The following RNF32 variants were observed in gnomAD, a reference collection of about 807,000 sequenced individuals.
The protein encoded by RNF32 is ring finger protein 32.
A neutral mutation model predicts 41.0 loss-of-function variants in RNF32; 36 were observed. The ratio of observed to expected loss-of-function variants is 0.88; its 90% CI spans 0.67 to 1.16. The LOEUF (loss-of-function observed/expected upper bound fraction) is 1.16. Among genes scored for constraint, RNF32 ranks in the 50% most tolerant of loss-of-function variants. The pLI is 0.00. For missense variants in RNF32, 413 were observed against 436.7 expected (o/e 0.95, Z 0.48); for synonymous variants, 154 against 160.9 (o/e 0.96, Z 0.32).
At chr7:156,659,668 T>C in intron 7 of RNF32, 1 of 924,332 alleles carries the variant, frequency 1.1e-6, no homozygotes, top group Non-Finnish European at 1.3e-6. Flanking sequence ...TAAGAACTCT[T>C]GAAGATAAAG....
In RNF32 at chr7:156,670,082, T is replaced by C. The variant is rs1250040375; in HGVS notation, c.685-5614T>C. On this transcript the variant is annotated intron_variant, in intron 7 of 8. Transcript: ENST00000317955. This position sits in a 1 kb window ranked among gnomAD's most constrained non-coding sequence, Gnocchi z 4.3. ...ATGTTATTCTAAGAAAAAATTAAATTATAAATTTTATGACTTTCACAGTGC... is the reference window on the plus strand; with the variant it reads ...ATGTTATTCTAAGAAAAAATTAAATCATAAATTTTATGACTTTCACAGTGC... Among the ~76,000 whole-genome samples, 1 of 152,254 alleles carries C rather than the reference T, an allele frequency of 6.6e-6. No homozygotes were observed. Among genetic ancestry groups the C allele is most frequent in the Non-Finnish European group, 1.5e-5 (1 of 68,048 alleles).
chr7:156,659,477 T>C (rs1800270195), intron 7 of RNF32: 1 of 985,314 alleles, frequency 1.0e-6, no homozygotes, highest in African/African-American at 1.7e-5. Flanking sequence ...TTTTTTATCT[T>C]CAGTCGTTGA....
intron 3 of RNF32, among the ~76,000 whole-genome samples, chr7:156,649,245 T>C (rs1798383590): frequency 6.6e-6 from 1 of 152,198 alleles, no homozygotes. Flanking sequence ...GGGGAAATAC[T>C]GTATTTACAG....
In RNF32 at chr7:156,644,538, G is replaced by C. The variant is rs779741124; in HGVS notation, c.55G>C (p.Val19Leu). ...GAAAGATAACTTGGCAGTCAATGCAGTTGCTTTACAAGATCACATTTTACA... is the reference window on the plus strand; with the variant it reads ...GAAAGATAACTTGGCAGTCAATGCACTTGCTTTACAAGATCACATTTTACA... The part of the protein sequence containing the change: ...SKKDNLAVNA[V>L]ALQDHILHDL... The change falls in exon 3 of 9, where the codon GTT becomes CTT. Residue 19 changes from valine to leucine, a missense_variant. Coordinates refer to ENST00000317955, the MANE Select transcript of RNF32 (RefSeq NM_030936.4). The C allele has an allele frequency of 6.2e-7, 1 of 1,611,854 alleles. No homozygotes were observed. The highest frequency in any genetic ancestry group is 2.2e-5 in the East Asian group (1 of 44,868).
chr7:156,648,911 T>C (rs1798329596), intron 3 of RNF32, among the ~76,000 whole-genome samples: 1 of 152,238 alleles, frequency 6.6e-6, no homozygotes, highest in South Asian at 2.1e-4. Flanking sequence ...AGACTTTAGA[T>C]ATACTTCACC....
chr7:156,664,439 C>T (rs907996048), intron 7 of RNF32, among the ~76,000 whole-genome samples: 3 of 151,712 alleles, frequency 2.0e-5, no homozygotes, highest in East Asian at 1.9e-4. Context: ...CCAGCCTGGG[C>T]GACAAGAGTC....
At chr7:156,671,906 G>A (rs917606701) in intron 7 of RNF32, among the ~76,000 whole-genome samples, 2 of 152,102 alleles carry the variant, frequency 1.3e-5, no homozygotes, top group Admixed American at 6.5e-5. Flanking sequence ...CGTATTAATC[G>A]AAGACAAAAT....
intron 7 of RNF32, among the ~76,000 whole-genome samples, chr7:156,671,151 T>C (rs370014263): frequency 7.9e-5 from 12 of 152,250 alleles, no homozygotes; most frequent in South Asian, 4.1e-4. Context: ...AGAGAATGAA[T>C]AGAAAACTTT....
intron 7 of RNF32, among the ~76,000 whole-genome samples, chr7:156,663,890 G>A (rs376466150): frequency 2.4e-4 from 36 of 152,198 alleles, no homozygotes; most frequent in East Asian, 5.8e-4. Flanking sequence ...TGCTTTATGC[G>A]TTACTGCCAA....
At chr7:156,657,992 C>G (rs1335100636) in intron 5 of RNF32, 136 bp from the exon 6 acceptor site, 2 of 884,942 alleles carry the variant, frequency 2.3e-6, no homozygotes, top group East Asian at 4.9e-5. Flanking sequence ...AGCCTCCTCA[C>G]TTTATAACCT....
chr7:156,655,002 G>A (rs1427255003), intron 4 of RNF32: 1 of 234,204 alleles, frequency 4.3e-6, no homozygotes, highest in African/African-American at 2.2e-5. Flanking sequence ...AGACAACTGG[G>A]GGGCTTCCCA....
chr7:156,645,410 A>T (rs1289448744), intron 3 of RNF32, among the ~76,000 whole-genome samples: 3 of 152,240 alleles, frequency 2.0e-5, no homozygotes. Flanking sequence ...GAATTTAATC[A>T]TGAGGAAACC....
At chr7:156,664,790 T>C (rs556123260) in intron 7 of RNF32, among the ~76,000 whole-genome samples, 1 of 152,340 alleles carries the variant, frequency 6.6e-6, no homozygotes, top group South Asian at 2.1e-4. Flanking sequence ...TCTAGCATAA[T>C]AGTATACTAT....
intron 7 of RNF32, among the ~76,000 whole-genome samples, chr7:156,673,084 C>G (rs186455375): frequency 9.5e-4 from 145 of 152,328 alleles, no homozygotes; most frequent in African/African-American, 3.0e-3. Context: ...GAATAAACAC[C>G]CAGATCATAT....
upstream of RNF32, chr7:156,640,404 G>A (rs772003004): frequency 8.7e-5 from 37 of 425,070 alleles, no homozygotes; most frequent in South Asian, 6.2e-4. Flanking sequence ...AGCGAAGCCG[G>A]CGCGGGGCTC....
At position 156,658,142 on chromosome 7, in the gene RNF32, T is replaced by C; in HGVS notation, c.465T>C (p.Ala155=). The C allele has an allele frequency of 6.2e-7, 1 of 1,613,974 alleles. No individual in the cohort carries two copies. Among genetic ancestry groups the C allele is most frequent in the Non-Finnish European group, 8.5e-7 (1 of 1,179,916 alleles). The change falls in exon 6 of 9, where the codon GCT becomes GCC. Residue 155 remains alanine (A), a synonymous_variant. Transcript: ENST00000317955. The part of the protein sequence containing the change: ...SHVFHKACLQ[A]FEKFTNKKTC... The stretch of plus-strand genomic sequence containing the variant: ...TTTTTCTTCAGGCATGTCTTCAGGC[T>C]TTTGAAAAGTTCACAAATAAGAAAA...
chr7:156,676,110 T>C, intron 8 of RNF32: 1 of 820,102 alleles, frequency 1.2e-6, no homozygotes. Context: ...TGGTAGGACT[T>C]TCCTCATGGG....
intron 7 of RNF32, among the ~76,000 whole-genome samples, chr7:156,663,390 ATTATAT>A (rs1479732590): frequency 2.0e-5 from 3 of 152,318 alleles, no homozygotes; most frequent in Admixed American, 6.5e-5. Context: ...ACAATTTTAC[ATTATAT>A]TTATATTAAA....
At chr7:156,651,504 A>G (rs2131408134) in intron 3 of RNF32, among the ~76,000 whole-genome samples, 1 of 152,210 alleles carries the variant, frequency 6.6e-6, no homozygotes, top group East Asian at 1.9e-4. Context: ...GTGAGCCACC[A>G]TGCCCAGCCA....
Sources: allele counts gnomAD v4.1 joint callset (sites outside exome capture counted in the v4.1 genomes callset), GRCh38; gene constraint gnomAD v4.1.1; non-coding constraint Gnocchi (gnomAD v3.1); transcripts MANE v1.5; gene names NCBI Gene and HGNC (gene_info 2026-07-23, HGNC 2026-07-21).